The following ARHGAP6 variants were observed in gnomAD, a reference collection of about 807,000 sequenced individuals.
ARHGAP6 encodes the protein Rho GTPase activating protein 6, also known as rho GTPase-activating protein 6.
Under a neutral mutation model 55.7 loss-of-function variants are expected in ARHGAP6, and 16 were observed. The ratio of observed to expected loss-of-function variants is 0.29; its 90% CI spans 0.19 to 0.44. The LOEUF is 0.44. ARHGAP6 is among the 20% of genes least tolerant of loss of function. The pLI is 1.00. For missense variants in ARHGAP6, 698 were observed against 808.9 expected (o/e 0.86, Z 1.66); for synonymous variants, 382 against 360.9 (o/e 1.06, Z -0.66).
chrX:11,467,181 C>G (rs1452405842), intron 1 of ARHGAP6, among the ~76,000 whole-genome samples: 6 of 111,376 alleles, frequency 5.4e-5, no homozygotes, highest in African/African-American at 2.0e-4. Flanking sequence ...GCTCATGCCT[C>G]TAACCCCAAC....
At chrX:11,460,406 C>A (rs925722886) in intron 1 of ARHGAP6, among the ~76,000 whole-genome samples, 1 of 111,569 alleles carries the variant, frequency 9.0e-6, no homozygotes, top group Admixed American at 9.5e-5. Flanking sequence ...CTGGCTGATA[C>A]GTTCACTTAG....
chrX:11,203,439 GC>G (rs1380085547), intron 2 of ARHGAP6, among the ~76,000 whole-genome samples: 1 of 111,474 alleles, frequency 9.0e-6, no homozygotes, highest in Non-Finnish European at 1.9e-5. Flanking sequence ...AATAATCAAT[GC>G]CGGCACAGAG....
intron 1 of ARHGAP6, among the ~76,000 whole-genome samples, chrX:11,489,733 C>T (rs1157139052): frequency 9.0e-6 from 1 of 111,422 alleles, no homozygotes; most frequent in Non-Finnish European, 1.9e-5. Context: ...GTAGAAAAGC[C>T]AGGAGGAGGA....
At chrX:11,436,123 T>A (rs1015528798) in intron 1 of ARHGAP6, among the ~76,000 whole-genome samples, 1 of 112,139 alleles carries the variant, frequency 8.9e-6, no homozygotes, top group African/African-American at 3.2e-5. Flanking sequence ...CCATGCAGAG[T>A]CTATCGAAAA....
intron 1 of ARHGAP6, among the ~76,000 whole-genome samples, chrX:11,626,505 T>C (rs914121084): frequency 2.7e-5 from 3 of 111,929 alleles, no homozygotes; most frequent in Non-Finnish European, 5.7e-5. Context: ...AACACAGATG[T>C]TAAAGTCTGG....
At chrX:11,625,329 G>A (rs1255263889) in intron 1 of ARHGAP6, among the ~76,000 whole-genome samples, 1 of 110,358 alleles carries the variant, frequency 9.1e-6, no homozygotes, top group Non-Finnish European at 1.9e-5. Context: ...ATATGTTTAC[G>A]TGTGTGTGTG....
intron 2 of ARHGAP6, among the ~76,000 whole-genome samples, chrX:11,230,610 A>AGTGTGTGTGTGTGT (rs3030687): frequency 1.0e-5 from 1 of 98,154 alleles, no homozygotes; most frequent in Non-Finnish European, 2.1e-5. Context: ...AGTTATTAGG[A>AGTGTGTGTGTGTGT]GTGTGTGTGT....
intron 2 of ARHGAP6, among the ~76,000 whole-genome samples, chrX:11,197,797 T>C (rs1025432836): frequency 8.9e-6 from 1 of 112,145 alleles, no homozygotes; most frequent in African/African-American, 3.2e-5. Context: ...CTTATATCAG[T>C]GGGCAGCTGC....
In ARHGAP6 at chrX:11,665,324, T is replaced by C. The variant is rs780033193; in HGVS notation, c.-496A>G. 1 of 112,894 alleles carries C rather than the reference T, an allele frequency of 8.9e-6. No homozygotes were observed. The highest frequency in any genetic ancestry group is 9.2e-5 in the Admixed American group (1 of 10,892). The allele number at this position is 112,894 out of a possible 1,213,427, so 9.3% of individuals were successfully genotyped here. On this transcript the variant is annotated 5_prime_UTR_variant, in exon 1 of 13. Coordinates refer to ENST00000337414, the MANE Select transcript of ARHGAP6 (RefSeq NM_013427.3). Reference sequence around the variant, plus strand: ...TGCCTGGGCGTGCGCCCAGGGCGCGTCCACCGCGCTCCCGGCGCCGCGAGA... The same window carrying C: ...TGCCTGGGCGTGCGCCCAGGGCGCGCCCACCGCGCTCCCGGCGCCGCGAGA...
At chrX:11,221,970 T>C (rs2046978749) in intron 2 of ARHGAP6, among the ~76,000 whole-genome samples, 1 of 111,492 alleles carries the variant, frequency 9.0e-6, no homozygotes, top group African/African-American at 3.3e-5. Flanking sequence ...TATGAGTTTT[T>C]CATGTTCCTA....
At chrX:11,387,024 T>C (rs2049337116) in intron 1 of ARHGAP6, among the ~76,000 whole-genome samples, 1 of 111,971 alleles carries the variant, frequency 8.9e-6, no homozygotes, top group Admixed American at 9.5e-5. Flanking sequence ...CCACGCCAAG[T>C]CCAAGTCTGA....
chrX:11,241,531 C>CGTGTGTGT lies in ARHGAP6; in HGVS notation c.748+13009_748+13016dup, dbSNP rs55815640. ...CCCATCATTCAGGCAATGCTGGATA[C>CGTGTGTGT]GTGTGTGTGTGTGTGTGTGTGTGTG... On this transcript the variant is annotated intron_variant, in intron 2 of 12. Transcript: ENST00000337414. 4.8e-4 allele frequency among the ~76,000 whole-genome samples: 44 copies of CGTGTGTGT among 91,724 alleles called. No individual in the cohort carries two copies. The East Asian group carries it at 9.8e-3, about 21-fold the overall frequency. 79.7% of individuals were successfully genotyped at this position (91,724 alleles called of 115,157 possible).
chrX:11,223,864 T>C (rs963313449), intron 2 of ARHGAP6, among the ~76,000 whole-genome samples: 18 of 110,961 alleles, frequency 1.6e-4, no homozygotes, highest in Non-Finnish European at 3.4e-4. Flanking sequence ...CTGGGAAATT[T>C]ATAGTGCAGT....
At chrX:11,449,575 T>C (rs1240792629) in intron 1 of ARHGAP6, among the ~76,000 whole-genome samples, 1 of 112,464 alleles carries the variant, frequency 8.9e-6, no homozygotes, top group Admixed American at 9.4e-5. Context: ...ACGCTGCCCC[T>C]GTACATGCCT....
At chrX:11,610,216 A>G (rs899342355) in intron 1 of ARHGAP6, among the ~76,000 whole-genome samples, 2 of 109,150 alleles carry the variant, frequency 1.8e-5, no homozygotes, top group African/African-American at 7.0e-5. Flanking sequence ...AAAACTTTTT[A>G]TTGGACCTAA....
chrX:11,140,433 A>T (rs1369946498), intron 12 of ARHGAP6, among the ~76,000 whole-genome samples: 1 of 96,621 alleles, frequency 1.0e-5, no homozygotes, highest in East Asian at 2.9e-4. Flanking sequence ...AAAAAAAAAA[A>T]ATTAAAAAAA....
intron 1 of ARHGAP6, among the ~76,000 whole-genome samples, chrX:11,613,621 T>C (rs934999330): frequency 9.0e-6 from 1 of 111,242 alleles, no homozygotes; most frequent in Non-Finnish European, 1.9e-5. Context: ...AAATGTGGAG[T>C]TTTCTCACAG....
At chrX:11,317,258 T>G (rs1000508756) in intron 1 of ARHGAP6, among the ~76,000 whole-genome samples, 11 of 112,556 alleles carry the variant, frequency 9.8e-5, no homozygotes, top group Non-Finnish European at 1.3e-4. Flanking sequence ...TTCTCTCTGG[T>G]GGGGCTGTCC....
At chrX:11,562,730 C>T (rs1245292930) in intron 1 of ARHGAP6, among the ~76,000 whole-genome samples, 2 of 111,304 alleles carry the variant, frequency 1.8e-5, no homozygotes, top group African/African-American at 6.5e-5. Flanking sequence ...GTTAAACCTC[C>T]TCTTTGCCAC....
Sources: gnomAD v4.1 joint callset for allele counts (sites outside exome capture counted in the v4.1 genomes callset) on GRCh38, gnomAD v4.1.1 for gene constraint, MANE v1.5 for transcripts, NCBI Gene and HGNC (gene_info 2026-07-23, HGNC 2026-07-21) for gene names.